Variants in APOO observed in about 807,000 individuals in gnomAD.
The protein encoded by APOO is apolipoprotein O, also known as MICOS complex subunit MIC26.
APOO carries 11 observed loss-of-function variants against 23.1 expected under a neutral mutation model. That is an observed-to-expected ratio of 0.48 (90% CI 0.30 to 0.79). The LOEUF (loss-of-function observed/expected upper bound fraction) is 0.79, where lower values mean the gene tolerates loss of function less well. APOO is among the 30% of genes least tolerant of loss of function. APOO has a pLI of 0.07. For missense variants in APOO, 160 were observed against 142.7 expected (o/e 1.12, Z -0.62); for synonymous variants, 59 against 54.8 (o/e 1.08, Z -0.34).
chrX:23,884,293 G>A (rs1261575069), intron 1 of APOO, among the ~76,000 whole-genome samples: 1 of 110,905 alleles, frequency 9.0e-6, no homozygotes, highest in African/African-American at 3.3e-5. Context: ...AACAATGAAG[G>A]AAAGAAATAA....
At chrX:23,899,864 A>G (rs1014612879) in intron 1 of APOO, among the ~76,000 whole-genome samples, 3 of 112,662 alleles carry the variant, frequency 2.7e-5, no homozygotes. Flanking sequence ...ATATACATAT[A>G]GATTATAAAT....
intron 5 of APOO, among the ~76,000 whole-genome samples, chrX:23,861,870 C>T (rs990844111): frequency 5.0e-5 from 5 of 99,603 alleles, no homozygotes; most frequent in Non-Finnish European, 9.9e-5. Context: ...GTGGCGTGAT[C>T]TCAGCTCACT....
intron 7 of APOO, among the ~76,000 whole-genome samples, chrX:23,842,089 T>C (rs1386490259): frequency 9.0e-6 from 1 of 111,201 alleles, no homozygotes; most frequent in Non-Finnish European, 1.9e-5. Context: ...CAAATATTTG[T>C]TGCATAAACA....
At chrX:23,873,479 C>T (rs1925710627) in intron 4 of APOO, among the ~76,000 whole-genome samples, 1 of 109,862 alleles carries the variant, frequency 9.1e-6, no homozygotes, top group Non-Finnish European at 1.9e-5. Flanking sequence ...TGGTGGCACA[C>T]GCTTGTAATC....
intron 3 of APOO, among the ~76,000 whole-genome samples, chrX:23,875,569 G>A (rs190651675): frequency 5.5e-3 from 588 of 106,404 alleles, no homozygotes; most frequent in South Asian, 0.012. Flanking sequence ...ACAGGTGCCC[G>A]CCACCACGCC....
chrX:23,871,724 T>A (rs1281179435), intron 4 of APOO, among the ~76,000 whole-genome samples: 1 of 112,200 alleles, frequency 8.9e-6, no homozygotes, highest in East Asian at 2.8e-4. Flanking sequence ...GCACTAGTAC[T>A]GAATAATATA....
intron 1 of APOO, among the ~76,000 whole-genome samples, chrX:23,889,346 T>C (rs1926520399): frequency 9.0e-6 from 1 of 111,323 alleles, no homozygotes; most frequent in African/African-American, 3.3e-5. Context: ...TCTGGGATCA[T>C]GTTGTGATTA....
rs1055617360 is a variant in APOO, at chrX:23,833,467, A to G, written c.*175T>C. 1.8e-5 allele frequency: 2 copies of G among 111,661 alleles called. No homozygotes were observed. The highest frequency in any genetic ancestry group is 3.8e-5 in the Non-Finnish European group (2 of 53,135). 9.2% of individuals were successfully genotyped at this position (111,661 alleles called of 1,213,427 possible). On this transcript the variant is annotated 3_prime_UTR_variant, in exon 9 of 9. Coordinates refer to ENST00000379226, the MANE Select transcript of APOO (RefSeq NM_024122.5). The stretch of plus-strand genomic sequence containing the variant: ...AGGGATTCCAGGTTAGTTTGCTTGT[A>G]GGATGATTTCACAGAAGATAACAGA...
chrX:23,874,692 A>T (rs1925764391), intron 3 of APOO, among the ~76,000 whole-genome samples: 1 of 111,743 alleles, frequency 8.9e-6, no homozygotes, highest in Admixed American at 9.6e-5. Flanking sequence ...GCAGATTCCA[A>T]ACAGAGTGGT....
At chrX:23,887,581 C>A (rs1926431004) in intron 1 of APOO, among the ~76,000 whole-genome samples, 1 of 110,894 alleles carries the variant, frequency 9.0e-6, no homozygotes, top group African/African-American at 3.3e-5. Context: ...ACTGCATGTA[C>A]CCACGCCCTG....
At chrX:23,898,288 G>A (rs971226989) in intron 1 of APOO, among the ~76,000 whole-genome samples, 2 of 108,852 alleles carry the variant, frequency 1.8e-5, no homozygotes, top group Non-Finnish European at 3.8e-5. Flanking sequence ...TTGTAGAGAC[G>A]GGCGGGGTTT....
intron 5 of APOO, among the ~76,000 whole-genome samples, chrX:23,859,990 C>T (rs769504772): frequency 4.5e-5 from 5 of 111,030 alleles, no homozygotes; most frequent in South Asian, 7.5e-4. Context: ...TCTGCAACCC[C>T]GTTAAAAAAA....
In APOO at chrX:23,907,825, G is replaced by T; in HGVS notation, c.-123C>A. On this transcript the variant is annotated 5_prime_UTR_variant, in exon 1 of 9. Coordinates refer to ENST00000379226, the MANE Select transcript of APOO (RefSeq NM_024122.5). ...CAACCGCAAGCAGGCAGCGGTGCGGGTGACGGCCGTACTGCAAACTCGGTG... is the reference window on the plus strand; with the variant it reads ...CAACCGCAAGCAGGCAGCGGTGCGGTTGACGGCCGTACTGCAAACTCGGTG... The T allele has an allele frequency of 2.4e-6, 2 of 817,331 alleles. No homozygotes were observed. The highest frequency in any genetic ancestry group is 3.4e-6 in the Non-Finnish European group (2 of 595,859). The allele number at this position is 817,331 out of a possible 1,213,427, so 67.4% of individuals were successfully genotyped here. A position where few individuals can be genotyped will look rare whatever the true frequency, so the allele number is the denominator to read the frequency against.
At chrX:23,898,250 C>T (rs1926988333) in intron 1 of APOO, among the ~76,000 whole-genome samples, 1 of 108,862 alleles carries the variant, frequency 9.2e-6, no homozygotes, top group Non-Finnish European at 1.9e-5. Flanking sequence ...AGGCAGGCAC[C>T]ACCATACCTG....
At chrX:23,885,168 G>A (rs1926314229) in intron 1 of APOO, among the ~76,000 whole-genome samples, 2 of 108,874 alleles carry the variant, frequency 1.8e-5, no homozygotes, top group East Asian at 2.9e-4. Flanking sequence ...GGAGGCCGAG[G>A]TGGGTGGATC....
intron 5 of APOO, among the ~76,000 whole-genome samples, chrX:23,867,763 C>T (rs1331037818): frequency 2.7e-5 from 3 of 111,086 alleles, no homozygotes; most frequent in Admixed American, 9.7e-5. Flanking sequence ...AGGATGGTCT[C>T]GATCTCCTGA....
At chrX:23,878,049 T>C (rs1369813929) in intron 3 of APOO, among the ~76,000 whole-genome samples, 3 of 111,930 alleles carry the variant, frequency 2.7e-5, no homozygotes, top group Non-Finnish European at 5.6e-5. Context: ...TCTGTATATG[T>C]AGTTCTTTGG....
At chrX:23,862,612 C>CA (rs947506756) in intron 5 of APOO, among the ~76,000 whole-genome samples, 53 of 94,554 alleles carry the variant, frequency 5.6e-4, no homozygotes, top group Admixed American at 1.2e-3. Context: ...CCGGTCTCCA[C>CA]AAAAAAAAAA....
In APOO at chrX:23,907,925, G is replaced by A; in HGVS notation, c.-223C>T. On this transcript the variant is annotated 5_prime_UTR_variant, in exon 1 of 9. Coordinates refer to ENST00000379226, the MANE Select transcript of APOO (RefSeq NM_024122.5). Reference sequence around the variant, plus strand: ...CCGCAGCGCGTCGCGCCCGGGCAGCGGGTGAACGCAAACCCCGCCCTCCAG... The same window carrying A: ...CCGCAGCGCGTCGCGCCCGGGCAGCAGGTGAACGCAAACCCCGCCCTCCAG... 2.7e-6 allele frequency: 1 copy of A among 375,577 alleles called. No homozygotes were observed. 31.0% of individuals were successfully genotyped at this position (375,577 alleles called of 1,213,427 possible).
Sources: allele counts gnomAD v4.1 joint callset (sites outside exome capture counted in the v4.1 genomes callset), GRCh38; gene constraint gnomAD v4.1.1; transcripts MANE v1.5; gene names NCBI Gene and HGNC (gene_info 2026-07-23, HGNC 2026-07-21).